Variants in THRB observed in about 807,000 individuals in gnomAD.
THRB encodes nuclear receptor subfamily 1 group A member 2.
In THRB, 12 loss-of-function variants were observed where a neutral mutation model predicts 47.8. The observed-to-expected ratio is 0.25, with a 90% CI of 0.16 to 0.41. The LOEUF (loss-of-function observed/expected upper bound fraction) is 0.41. Ranked by LOEUF, THRB falls within the 10% of genes least tolerant of loss-of-function variation. THRB has a pLI of 1.00. For missense variants in THRB, 348 were observed against 589.2 expected (o/e 0.59, Z 4.24); for synonymous variants, 218 against 212.2 (o/e 1.03, Z -0.24).
intron 3 of THRB, among the ~76,000 whole-genome samples, chr3:24,292,431 A>T (rs578032534): frequency 7.2e-5 from 11 of 152,172 alleles, no homozygotes; most frequent in Admixed American, 3.9e-4. Context: ...TCCAATTCTA[A>T]TATTTATATT....
At position 24,321,830 on chromosome 3, in the gene THRB, T is replaced by A. The variant is rs543951622; in HGVS notation, c.-189+15470A>T. On this transcript the variant is annotated intron_variant, in intron 2 of 10. Transcript: ENST00000646209. ...AATGAGATGTGCTATAAGTATAAGA[T>A]ACACACTAGATTTTGAAGACACCAT... 3.3e-5 allele frequency among the ~76,000 whole-genome samples: 5 copies of A among 152,298 alleles called. No individual in the cohort carries two copies. In the South Asian group the frequency reaches 6.2e-4, roughly 19 times the overall value.
chr3:24,390,475 G>A (rs140786294), intron 1 of THRB, among the ~76,000 whole-genome samples: 3 of 152,202 alleles, frequency 2.0e-5, no homozygotes, highest in African/African-American at 4.8e-5. Flanking sequence ...TCTTGCATGT[G>A]CCATCATTCC....
At chr3:24,416,276 C>A (rs923854792) in intron 1 of THRB, among the ~76,000 whole-genome samples, 3 of 151,794 alleles carry the variant, frequency 2.0e-5, no homozygotes, top group African/African-American at 7.2e-5. Context: ...TAGCCAGTAT[C>A]CGCTATCAGG....
intron 1 of THRB, among the ~76,000 whole-genome samples, chr3:24,463,119 G>C (rs74511416): frequency 0.023 from 3,553 of 152,312 alleles, 75 homozygotes; most frequent in East Asian, 0.086. Context: ...GCCAGGGCTA[G>C]TTAAGGGAGA....
intron 1 of THRB, among the ~76,000 whole-genome samples, chr3:24,360,580 C>T (rs576816652): frequency 2.0e-5 from 3 of 152,278 alleles, no homozygotes; most frequent in African/African-American, 7.2e-5. Context: ...TTTAAAAATG[C>T]TAATGCCTGA....
At chr3:24,216,379 C>G (rs11721037) in intron 4 of THRB, among the ~76,000 whole-genome samples, 79,998 of 151,974 alleles carry the variant, frequency 0.53, 22,557 homozygotes, top group African/African-American at 0.75. Flanking sequence ...GCCAAGGCAG[C>G]CAGATCACGA....
chr3:24,406,001 G>T (rs1234994382), intron 1 of THRB, among the ~76,000 whole-genome samples: 1 of 151,034 alleles, frequency 6.6e-6, no homozygotes, highest in African/African-American at 2.4e-5. Context: ...TGTGTTTTTT[G>T]TTTATTTTCT....
intron 2 of THRB, among the ~76,000 whole-genome samples, chr3:24,315,966 T>C (rs997421338): frequency 6.6e-6 from 1 of 152,204 alleles, no homozygotes; most frequent in Non-Finnish European, 1.5e-5. Flanking sequence ...CGTATGTTTC[T>C]GTTTTTTTTC....
intron 1 of THRB, among the ~76,000 whole-genome samples, chr3:24,357,362 A>AAAC: frequency 7.0e-6 from 1 of 143,344 alleles, no homozygotes; most frequent in South Asian, 2.1e-4. Flanking sequence ...AAAAAAAAAA[A>AAAC]AAAAAAAAAA....
At chr3:24,325,053 C>T (rs2058718084) in intron 2 of THRB, among the ~76,000 whole-genome samples, 1 of 152,184 alleles carries the variant, frequency 6.6e-6, no homozygotes, top group South Asian at 2.1e-4. Flanking sequence ...GTATTAAATT[C>T]TTGCTTCTTG....
chr3:24,165,303 T>C, intron 5 of THRB: 1 of 765,100 alleles, frequency 1.3e-6, no homozygotes, highest in Non-Finnish European at 2.4e-6. Flanking sequence ...ATGTAGCAAT[T>C]GCTGCCGGCA....
rs1560011027 is a variant in THRB at position 24,357,378 on chromosome 3, A to AAAAAAAAAAAAC, written c.-260-20008_-260-20007insGTTTTTTTTTTT. ...AAAAAAAAAAAAAAAAAAAAAACAA[A>AAAAAAAAAAAAC]AAACAAACAAACAAAAAAACACCAA... On this transcript the variant is annotated intron_variant, in intron 1 of 10. Transcript: ENST00000646209. Among the ~76,000 whole-genome samples, 41 of 141,270 alleles carry AAAAAAAAAAAAC rather than the reference A, an allele frequency of 2.9e-4. 2 individuals are homozygous for AAAAAAAAAAAAC. The highest frequency in any genetic ancestry group is 1.2e-3 in the African/African-American group (39 of 33,702). 92.7% of individuals were successfully genotyped at this position (141,270 alleles called of 152,430 possible).
At chr3:24,479,094 C>T (rs574031805) in intron 1 of THRB, among the ~76,000 whole-genome samples, 8 of 151,970 alleles carry the variant, frequency 5.3e-5, no homozygotes, top group African/African-American at 1.7e-4. Context: ...GTCAGGAGAT[C>T]GAGACCATCC....
chr3:24,481,837 TAA>T (rs35810270), intron 1 of THRB, among the ~76,000 whole-genome samples: 6,783 of 118,822 alleles, frequency 0.057, 156 homozygotes, highest in Non-Finnish European at 0.066. Context: ...ATATGGACCA[TAA>T]AAAAAAAAAA....
intron 4 of THRB, among the ~76,000 whole-genome samples, chr3:24,194,503 T>C (rs775331380): frequency 2.0e-5 from 3 of 152,322 alleles, no homozygotes; most frequent in Non-Finnish European, 2.9e-5. Context: ...TAATTAGTTA[T>C]GGTGAATTAA....
In THRB at chr3:24,336,150, T is replaced by C. The variant is rs545110901; in HGVS notation, c.-189+1150A>G. 2.0e-5 allele frequency among the ~76,000 whole-genome samples: 3 copies of C among 152,346 alleles called. No homozygotes were observed. In the South Asian group the frequency reaches 6.2e-4, roughly 32 times the overall value. On this transcript the variant is annotated intron_variant, in intron 2 of 10. Coordinates refer to ENST00000646209, the MANE Select transcript of THRB (RefSeq NM_001354712.2). ...ATTCTATAAATTACAAATAGTGTTT[T>C]TTGATATGAGAACTATGGCTGGTCC... is the stretch of plus-strand genomic sequence containing the variant.
chr3:24,273,019 C>T (rs1466863697), intron 3 of THRB, among the ~76,000 whole-genome samples: 2 of 152,076 alleles, frequency 1.3e-5, no homozygotes, highest in African/African-American at 4.8e-5. Flanking sequence ...ACATCATCAC[C>T]TGGAGCTCCC....
chr3:24,225,839 AT>A (rs938245596), intron 4 of THRB, among the ~76,000 whole-genome samples: 1 of 151,908 alleles, frequency 6.6e-6, no homozygotes, highest in Non-Finnish European at 1.5e-5. Context: ...TAAGAATTGT[AT>A]TTTTTTTCTT....
At chr3:24,352,463 G>T (rs981287045) in intron 1 of THRB, among the ~76,000 whole-genome samples, 5 of 152,114 alleles carry the variant, frequency 3.3e-5, no homozygotes, top group African/African-American at 1.2e-4. Context: ...GGTCAAAAAT[G>T]ACAAGGAATG....
Sources: allele counts gnomAD v4.1 joint callset (sites outside exome capture counted in the v4.1 genomes callset), GRCh38; gene constraint gnomAD v4.1.1; transcripts MANE v1.5; gene names NCBI Gene and HGNC (gene_info 2026-07-23, HGNC 2026-07-21).